CSMD2: variants seen among roughly 807,000 people sequenced by gnomAD.
CSMD2 encodes the protein CUB and Sushi multiple domains 2.
A neutral mutation model predicts 398.5 loss-of-function variants in CSMD2; 130 were observed. That is an observed-to-expected ratio of 0.33 (90% confidence interval 0.28 to 0.38). CSMD2 has a LOEUF of 0.38. Among genes scored for constraint, CSMD2 ranks in the 10% least tolerant of loss-of-function variants. The probability of loss-of-function intolerance (pLI) is 1.00; values close to 1 mark genes in which losing one functional copy is unlikely to be tolerated. For synonymous variants in CSMD2, 1,828 were observed against 1,908.5 expected (o/e 0.96, Z 1.10); for missense variants, 3,829 against 4,764.9 (o/e 0.80, Z 5.78).
intron 1 of CSMD2, among the ~76,000 whole-genome samples, chr1:34,092,471 G>A (rs1024978213): frequency 3.3e-5 from 5 of 152,182 alleles, no homozygotes; most frequent in African/African-American, 9.7e-5. Context: ...GAAGAGGGGT[G>A]ATTTCTGCAT....
intron 55 of CSMD2, among the ~76,000 whole-genome samples, chr1:33,555,082 A>T (rs1285508677): frequency 6.6e-6 from 1 of 152,222 alleles, no homozygotes; most frequent in African/African-American, 2.4e-5. Context: ...AGGATTAATC[A>T]TTCTAGATGC....
At chr1:34,114,464 G>A (rs1661412406) in intron 1 of CSMD2, among the ~76,000 whole-genome samples, 1 of 152,110 alleles carries the variant, frequency 6.6e-6, no homozygotes, top group African/African-American at 2.4e-5. Flanking sequence ...TTGGGAGGCC[G>A]AAGCAGAAGG....
At chr1:33,803,888 C>G (rs1655913669) in intron 10 of CSMD2, among the ~76,000 whole-genome samples, 1 of 152,226 alleles carries the variant, frequency 6.6e-6, no homozygotes, top group Non-Finnish European at 1.5e-5. Flanking sequence ...GCTCATCCCA[C>G]TGAGGTGAAG....
chr1:34,051,767 GTA>G (rs1362633465), intron 2 of CSMD2, among the ~76,000 whole-genome samples: 1 of 152,158 alleles, frequency 6.6e-6, no homozygotes, highest in African/African-American at 2.4e-5. Context: ...GTTTTAAGAT[GTA>G]TATAGTGCAG....
At chr1:34,082,400 C>T (rs1175637887) in intron 2 of CSMD2, among the ~76,000 whole-genome samples, 3 of 152,070 alleles carry the variant, frequency 2.0e-5, no homozygotes, top group South Asian at 4.1e-4. Context: ...CCAGCAGCCG[C>T]CCCGTCTGGG....
At chr1:33,979,269 C>G (rs496755) in intron 3 of CSMD2, among the ~76,000 whole-genome samples, 82,432 of 152,096 alleles carry the variant, frequency 0.54, 23,145 homozygotes, top group East Asian at 0.84. Flanking sequence ...TCCCTTCCTC[C>G]TTGTGTCTGA....
rs1653610004 is a variant in CSMD2, at chr1:33,514,634, G to C, written c.*1990C>G. The stretch of plus-strand genomic sequence containing the variant: ...CTGAGAGGGGCATAAGAAGGGGGAA[G>C]GGAGCAGTCGAAGGAGAGGAGTGTA... On this transcript the variant is annotated 3_prime_UTR_variant, in exon 71 of 71. Coordinates refer to ENST00000373381, the MANE Select transcript of CSMD2 (RefSeq NM_001281956.2). The C allele has an allele frequency of 1.3e-5, 2 of 152,190 alleles. No homozygotes were observed. The highest frequency in any genetic ancestry group is 2.9e-5 in the Non-Finnish European group (2 of 68,022). 9.4% of individuals were successfully genotyped at this position (152,190 alleles called of 1,614,324 possible).
chr1:33,878,798 G>A (rs1470922280), intron 5 of CSMD2, among the ~76,000 whole-genome samples: 1 of 152,178 alleles, frequency 6.6e-6, no homozygotes, highest in Non-Finnish European at 1.5e-5. Context: ...TTCAATCAAG[G>A]GAACTCAGAT....
chr1:33,548,081 C>A (rs995874788), intron 56 of CSMD2, among the ~76,000 whole-genome samples: 3 of 152,176 alleles, frequency 2.0e-5, no homozygotes, highest in Admixed American at 6.5e-5. Context: ...TGAAGATGTG[C>A]CTGCTTCCCC....
At chr1:34,143,351 C>T (rs750604) in intron 1 of CSMD2, among the ~76,000 whole-genome samples, 65 of 152,280 alleles carry the variant, frequency 4.3e-4, no homozygotes, top group Middle Eastern at 3.4e-3. Context: ...ACACTAACTG[C>T]CCCCTAGACC....
chr1:34,086,939 C>G (rs1657951208), intron 2 of CSMD2, among the ~76,000 whole-genome samples: 1 of 152,072 alleles, frequency 6.6e-6, no homozygotes, highest in African/African-American at 2.4e-5. Flanking sequence ...GCTCTAGCCT[C>G]TAACCACTGA....
At chr1:33,605,999 G>C in intron 41 of CSMD2, 1 of 1,608,722 alleles carries the variant, frequency 6.2e-7, no homozygotes, top group Non-Finnish European at 8.5e-7. Context: ...CTGTGGCAAG[G>C]AGAGAAGCTT....
intron 3 of CSMD2, among the ~76,000 whole-genome samples, chr1:33,944,822 C>T (rs928691710): frequency 1.3e-5 from 2 of 152,148 alleles, no homozygotes; most frequent in Non-Finnish European, 2.9e-5. Flanking sequence ...AAAACCCAAG[C>T]TGCTTGATCT....
At chr1:34,003,773 A>G (rs1570777229) in intron 3 of CSMD2, among the ~76,000 whole-genome samples, 1 of 152,144 alleles carries the variant, frequency 6.6e-6, no homozygotes, top group Admixed American at 6.5e-5. Context: ...TGTCATTCCA[A>G]TGGTCTAGTC....
At chr1:33,912,227 G>GA (rs1235298074) in intron 5 of CSMD2, among the ~76,000 whole-genome samples, 2 of 152,096 alleles carry the variant, frequency 1.3e-5, no homozygotes, top group African/African-American at 2.4e-5. Flanking sequence ...TGATCCGAGT[G>GA]AAATAGATAA....
Position 34,059,094 on chromosome 1 carries a change from A to G in CSMD2, c.405-26388T>C, listed in dbSNP as rs373442279. 4.6e-5 allele frequency among the ~76,000 whole-genome samples: 7 copies of G among 152,330 alleles called. No homozygotes were observed. In the South Asian group the frequency reaches 8.3e-4, roughly 18 times the overall value. On this transcript the variant is annotated intron_variant, in intron 2 of 70. Transcript: ENST00000373381. ...ATGGCAGGACACAAGTAAGTGAGCA[A>G]TGACAATAATATCCCCAAGGTCCTG...
At chr1:33,875,797 C>T (rs1281418651) in intron 5 of CSMD2, among the ~76,000 whole-genome samples, 1 of 152,116 alleles carries the variant, frequency 6.6e-6, no homozygotes, top group African/African-American at 2.4e-5. Flanking sequence ...CTCACATCAG[C>T]CAAGAGGTGG....
At chr1:33,642,784 A>C (rs1643187768) in intron 29 of CSMD2, among the ~76,000 whole-genome samples, 1 of 152,030 alleles carries the variant, frequency 6.6e-6, no homozygotes, top group Admixed American at 6.6e-5. Context: ...TTGTGTTTTT[A>C]TAATAAGTTA....
intron 1 of CSMD2, among the ~76,000 whole-genome samples, chr1:34,145,099 T>C (rs1639649561): frequency 6.6e-6 from 1 of 152,192 alleles, no homozygotes; most frequent in African/African-American, 2.4e-5. Context: ...TTGGCAAGGC[T>C]GCCTGCTTCT....
Sources: allele counts gnomAD v4.1 joint callset (sites outside exome capture counted in the v4.1 genomes callset), GRCh38; gene constraint gnomAD v4.1.1; transcripts MANE v1.5; gene names NCBI Gene and HGNC (gene_info 2026-07-23, HGNC 2026-07-21).